Variants in DENND2B observed in about 807,000 individuals in gnomAD.
DENND2B encodes DENN domain containing 2B.
A neutral mutation model predicts 116.0 loss-of-function variants in DENND2B; 32 were observed. The observed-to-expected ratio is 0.28, with a 90% CI of 0.21 to 0.37. The LOEUF is 0.37. Ranked by LOEUF, DENND2B falls within the 10% of genes least tolerant of loss-of-function variation. DENND2B has a pLI of 1.00. For missense variants in DENND2B, 1,276 were observed against 1,477.7 expected, an observed-to-expected ratio of 0.86 and a Z score of 2.24; for synonymous variants, 588 against 583.9, an observed-to-expected ratio of 1.01 and a Z score of -0.10.
chr11:8,899,908 T>C (rs946842723), intron 1 of DENND2B, among the ~76,000 whole-genome samples: 24 of 152,186 alleles, frequency 1.6e-4, no homozygotes, highest in African/African-American at 5.6e-4. Flanking sequence ...GTAACATATA[T>C]GAATGTAATA....
At chr11:8,789,610 G>A (rs2059200263) in intron 1 of DENND2B, among the ~76,000 whole-genome samples, 1 of 152,062 alleles carries the variant, frequency 6.6e-6, no homozygotes, top group Admixed American at 6.6e-5. Flanking sequence ...CTAGATCTAA[G>A]TTACAGTTTA....
intron 1 of DENND2B, among the ~76,000 whole-genome samples, chr11:8,751,657 C>T (rs893963325): frequency 2.6e-5 from 4 of 152,100 alleles, no homozygotes; most frequent in Non-Finnish European, 4.4e-5. Context: ...ACACTCACTG[C>T]GAGGGTCCAC....
intron 8 of DENND2B, among the ~76,000 whole-genome samples, chr11:8,713,610 G>C (rs548304678): frequency 6.6e-6 from 1 of 152,146 alleles, no homozygotes; most frequent in Non-Finnish European, 1.5e-5. Context: ...TCGAACTCCT[G>C]ACCTCGTGAT....
intron 1 of DENND2B, among the ~76,000 whole-genome samples, chr11:8,897,956 C>CTT (rs2064122956): frequency 6.6e-6 from 1 of 152,050 alleles, no homozygotes; most frequent in African/African-American, 2.4e-5. Flanking sequence ...AAATTTCTTG[C>CTT]GAAGACAGGG....
At chr11:8,782,463 T>TAAAA (rs930069297) in intron 1 of DENND2B, among the ~76,000 whole-genome samples, 1 of 152,122 alleles carries the variant, frequency 6.6e-6, no homozygotes, top group Admixed American at 6.5e-5. Context: ...TTGTCAAACT[T>TAAAA]AAAAAAAATT....
In DENND2B at chr11:8,702,790, G is replaced by A. The variant is rs2041944868; in HGVS notation, c.2572-70C>T. Reference sequence around the variant, plus strand: ...GTGCTGCCCTCTGGCCCTCCACGAAGCAACTGGAGCTGCTTTCCCCTTCCA... The same window carrying A: ...GTGCTGCCCTCTGGCCCTCCACGAAACAACTGGAGCTGCTTTCCCCTTCCA... On this transcript the variant is annotated intron_variant, in intron 13 of 19. Coordinates refer to ENST00000313726, the MANE Select transcript of DENND2B (RefSeq NM_213618.2). This position sits in a 1 kb window ranked among gnomAD's most constrained non-coding sequence, Gnocchi z 4.6. 1 of 1,509,208 alleles carries A rather than the reference G, an allele frequency of 6.6e-7. No homozygotes were observed. Among genetic ancestry groups the A allele is most frequent in the Non-Finnish European group, 8.9e-7 (1 of 1,129,648 alleles). 93.5% of individuals were successfully genotyped at this position (1,509,208 alleles called of 1,614,324 possible). A position where few individuals can be genotyped will look rare whatever the true frequency, so the allele number is the denominator to read the frequency against.
chr11:8,752,598 GCT>G (rs2052743316), intron 1 of DENND2B, among the ~76,000 whole-genome samples: 1 of 152,020 alleles, frequency 6.6e-6, no homozygotes, highest in Non-Finnish European at 1.5e-5. Context: ...AGCTAGAAGT[GCT>G]CATCATTTTT....
chr11:8,755,106 C>T (rs1176112100), intron 1 of DENND2B, among the ~76,000 whole-genome samples: 4 of 152,138 alleles, frequency 2.6e-5, no homozygotes, highest in East Asian at 3.8e-4. Flanking sequence ...ACAACACAAA[C>T]GACACATCAA....
intron 4 of DENND2B, among the ~76,000 whole-genome samples, chr11:8,815,781 G>C (rs940312686): frequency 1.3e-5 from 2 of 152,120 alleles, no homozygotes; most frequent in African/African-American, 4.8e-5. Context: ...TGAGCTCCTC[G>C]AGGTGTATCC....
intron 2 of DENND2B, among the ~76,000 whole-genome samples, chr11:8,732,506 A>T (rs1392238621): frequency 6.6e-6 from 1 of 152,044 alleles, no homozygotes; most frequent in Non-Finnish European, 1.5e-5. Context: ...TCCCCACAGC[A>T]CTCAGCACAC....
rs538349835 is a variant in DENND2B at position 8,792,160 on chromosome 11, G to A, written c.-26+18357C>T. Among the ~76,000 whole-genome samples the A allele has an allele frequency of 1.1e-3, 160 of 151,418 alleles. 1 individual carries two copies. The highest frequency in any genetic ancestry group is 1.8e-3 in the Non-Finnish European group (120 of 67,758). Reference sequence around the variant, plus strand: ...GCAGAGGTTGCAGTAAGCTGAGATCGTACCATTGCACTCCAGCCTGGGCAA... The same window carrying A: ...GCAGAGGTTGCAGTAAGCTGAGATCATACCATTGCACTCCAGCCTGGGCAA... On this transcript the variant is annotated intron_variant, in intron 1 of 19. Coordinates refer to ENST00000313726, the MANE Select transcript of DENND2B (RefSeq NM_213618.2).
chr11:8,738,923 A>G (rs1447860721), intron 2 of DENND2B, among the ~76,000 whole-genome samples: 1 of 152,160 alleles, frequency 6.6e-6, no homozygotes, highest in Non-Finnish European at 1.5e-5. Context: ...GAGATGGCCT[A>G]TGCAGAGGCC....
At position 8,707,388 on chromosome 11, in the gene DENND2B, T is replaced by C. The variant is rs1044604284; in HGVS notation, c.2431-163A>G. ...TCTGCACACTCTACCCTTCCCGTTT[T>C]CCTTGGCACTCAGTGACTCCTCTGT... On this transcript the variant is annotated intron_variant, in intron 12 of 19. Coordinates refer to ENST00000313726, the MANE Select transcript of DENND2B (RefSeq NM_213618.2). The surrounding 1 kb of genome is among the most constrained non-coding windows in gnomAD (Gnocchi z 4.8). The C allele has an allele frequency of 6.5e-6, 6 of 920,512 alleles. No individual in the cohort carries two copies. The highest frequency in any genetic ancestry group is 3.3e-5 in the African/African-American group (2 of 59,886). The allele number at this position is 920,512 out of a possible 1,614,324, so 57.0% of individuals were successfully genotyped here.
At chr11:8,697,750 C>A in intron 16 of DENND2B, 114 bp from the exon 17 acceptor site, 1 of 713,966 alleles carries the variant, frequency 1.4e-6, no homozygotes, top group Non-Finnish European at 2.5e-6. Flanking sequence ...TCCCAGTAAC[C>A]CTCATAACTA....
At chr11:8,895,264 G>A (rs2064086038) in intron 1 of DENND2B, among the ~76,000 whole-genome samples, 1 of 152,030 alleles carries the variant, frequency 6.6e-6, no homozygotes, top group African/African-American at 2.4e-5. Flanking sequence ...TAGGGGGGTG[G>A]GAGGGATAGC....
chr11:8,706,919 A>G lies in DENND2B; in HGVS notation c.2571+166T>C, dbSNP rs150265503. Among the ~76,000 whole-genome samples the G allele has an allele frequency of 9.2e-5, 14 of 152,340 alleles. No homozygotes were observed. The East Asian group carries it at 2.7e-3, about 29-fold the overall frequency. ...AGGAACAGAGGGCTGGACAACATGT[A>G]CATTCCTATTGTTTGCTCTTTTGGT... On this transcript the variant is annotated intron_variant, in intron 13 of 19. Transcript: ENST00000313726.
intron 1 of DENND2B, among the ~76,000 whole-genome samples, chr11:8,884,995 G>A (rs1289402011): frequency 6.6e-6 from 1 of 152,202 alleles, no homozygotes; most frequent in Non-Finnish European, 1.5e-5. Flanking sequence ...TTAACTTTGA[G>A]ACTCCCAACT....
intron 2 of DENND2B, among the ~76,000 whole-genome samples, chr11:8,748,647 G>A (rs982556270): frequency 2.0e-5 from 3 of 152,144 alleles, no homozygotes; most frequent in African/African-American, 4.8e-5. Context: ...GGAGAGAAGC[G>A]GAAATGTGGT....
chr11:8,815,534 C>T (rs1260336813), upstream of DENND2B, among the ~76,000 whole-genome samples: 3 of 152,148 alleles, frequency 2.0e-5, no homozygotes, highest in Non-Finnish European at 4.4e-5. Flanking sequence ...TTTCCTCTCC[C>T]TCCCTCTATG....
Sources: allele counts gnomAD v4.1 joint callset (sites outside exome capture counted in the v4.1 genomes callset), GRCh38; gene constraint gnomAD v4.1.1; non-coding constraint Gnocchi (gnomAD v3.1); transcripts MANE v1.5; gene names NCBI Gene and HGNC (gene_info 2026-07-23, HGNC 2026-07-21).